The following ST7 variants were observed in gnomAD, a reference collection of about 807,000 sequenced individuals.
The protein encoded by ST7 is suppressor of tumorigenicity 7 protein.
ST7 carries 28 observed loss-of-function variants against 78.7 expected under a neutral mutation model. The ratio of observed to expected loss-of-function variants is 0.36; its 90% CI spans 0.26 to 0.49. The LOEUF (loss-of-function observed/expected upper bound fraction) is 0.49, where lower values mean the gene tolerates loss of function less well. ST7 is among the 20% of genes least tolerant of loss of function. ST7 has a pLI of 0.99. For synonymous variants in ST7, 247 were observed against 249.6 expected (o/e 0.99, Z 0.10); for missense variants, 418 against 696.0 (o/e 0.60, Z 4.49).
chr7:117,163,751 C>G (rs1272543796), intron 9 of ST7, among the ~76,000 whole-genome samples: 1 of 152,074 alleles, frequency 6.6e-6, no homozygotes, highest in Non-Finnish European at 1.5e-5. Flanking sequence ...CGTCTTTTAA[C>G]TCTGTTGTTT....
chr7:117,130,203 C>G (rs1804231055), intron 4 of ST7, among the ~76,000 whole-genome samples: 1 of 151,780 alleles, frequency 6.6e-6, no homozygotes, highest in Non-Finnish European at 1.5e-5. Flanking sequence ...TTAGAATTTT[C>G]ATAGCTTTAG....
chr7:117,017,995 A>T (rs1057243306), intron 1 of ST7, among the ~76,000 whole-genome samples: 1 of 152,190 alleles, frequency 6.6e-6, no homozygotes, highest in Non-Finnish European at 1.5e-5. Context: ...CACAGCCTTT[A>T]ACTCTTAGAA....
intron 6 of ST7, among the ~76,000 whole-genome samples, chr7:117,133,691 T>A (rs904161074): frequency 2.0e-5 from 3 of 151,826 alleles, no homozygotes; most frequent in African/African-American, 7.3e-5. Context: ...TTATTATTAT[T>A]ATTGTTATTT....
chr7:117,209,575 A>G (rs1036766480), intron 12 of ST7, among the ~76,000 whole-genome samples: 11 of 152,182 alleles, frequency 7.2e-5, no homozygotes, highest in African/African-American at 2.4e-4. Context: ...TCTGATCTTC[A>G]CTGTAGGAAA....
intron 1 of ST7, among the ~76,000 whole-genome samples, chr7:117,022,267 G>A (rs985825917): frequency 2.3e-4 from 35 of 152,126 alleles, no homozygotes; most frequent in African/African-American, 7.7e-4. Context: ...TATCATACAG[G>A]TTTTTAGCAT....
intron 1 of ST7, among the ~76,000 whole-genome samples, chr7:117,008,340 GAATTCCCTTTCAGCAA>G (rs1795240256): frequency 6.6e-6 from 1 of 152,172 alleles, no homozygotes; most frequent in African/African-American, 2.4e-5. Context: ...TGTTTCTCAA[GAATTCCCTTTCAGCAA>G]TTGTTGGTGA....
At position 117,133,674 on chromosome 7, in the gene ST7, T is replaced by TTTATTA. The variant is rs757530529; in HGVS notation, c.642-435_642-430dup. Reference sequence around the variant, plus strand: ...GGTTGTCTTTAGTATTTTATTTTGTTTTATTATTATTATTATTATTGTTAT... The same window carrying TTTATTA: ...GGTTGTCTTTAGTATTTTATTTTGTTTTATTATTATTATTATTATTATTATTGTTAT... On this transcript the variant is annotated intron_variant, in intron 6 of 15. Transcript: ENST00000323984. Among the ~76,000 whole-genome samples, 563 of 151,644 alleles carry TTTATTA rather than the reference T, an allele frequency of 3.7e-3. 2 individuals are homozygous for TTTATTA. The highest frequency in any genetic ancestry group is 0.017 in the Middle Eastern group (5 of 294).
At chr7:117,184,129 A>T (rs1408537068) in intron 10 of ST7, 2 of 152,274 alleles carry the variant, frequency 1.3e-5, no homozygotes, top group Non-Finnish European at 2.9e-5. Flanking sequence ...TTTCAGGAAA[A>T]CATTTCTATA....
At chr7:117,175,267 C>T (rs1371806769) in intron 10 of ST7, among the ~76,000 whole-genome samples, 1 of 152,150 alleles carries the variant, frequency 6.6e-6, no homozygotes, top group Non-Finnish European at 1.5e-5. Context: ...GTCATGAGAA[C>T]CTTCTTTTAG....
intron 1 of ST7, among the ~76,000 whole-genome samples, chr7:117,007,521 T>G (rs1164650983): frequency 2.0e-5 from 3 of 152,192 alleles, no homozygotes; most frequent in South Asian, 4.1e-4. Flanking sequence ...AAAGTACAAG[T>G]GTTAATGTAG....
rs573354157 is a variant in ST7 at position 116,975,099 on chromosome 7, A to C, written c.151+21408A>C. 3.9e-5 allele frequency among the ~76,000 whole-genome samples: 6 copies of C among 152,322 alleles called. No homozygotes were observed. In the East Asian group the frequency reaches 1.2e-3, roughly 29 times the overall value. On this transcript the variant is annotated intron_variant, in intron 1 of 15. Coordinates refer to ENST00000323984, the MANE Select transcript of ST7 (RefSeq NM_001369598.1). ...GTAATTTATAAAGAAAAAGAGGTTT[A>C]ATGGACTCACAGTTCCACATGGCTG...
At chr7:117,181,345 G>C (rs1385337674) in intron 10 of ST7, among the ~76,000 whole-genome samples, 1 of 152,188 alleles carries the variant, frequency 6.6e-6, no homozygotes, top group African/African-American at 2.4e-5. Flanking sequence ...GATAGGGAAA[G>C]TAAAAGCAGG....
At chr7:116,972,318 C>T in intron 1 of ST7, 5 of 586,928 alleles carry the variant, frequency 8.5e-6, no homozygotes, top group South Asian at 8.5e-5. Flanking sequence ...GGGCCTCTCC[C>T]TCCTTGAATT....
At chr7:117,016,749 C>T (rs1388713590) in intron 1 of ST7, among the ~76,000 whole-genome samples, 1 of 152,006 alleles carries the variant, frequency 6.6e-6, no homozygotes, top group East Asian at 1.9e-4. Context: ...GGTGAGAAGC[C>T]CTTTTGAATG....
At chr7:117,210,324 GT>G (rs1246506150) in intron 13 of ST7, among the ~76,000 whole-genome samples, 7 of 152,192 alleles carry the variant, frequency 4.6e-5, no homozygotes, top group African/African-American at 1.7e-4. Flanking sequence ...TTGTGGGAGG[GT>G]TGGCTAAGAG....
intron 12 of ST7, among the ~76,000 whole-genome samples, chr7:117,207,242 T>G (rs1791847278): frequency 6.6e-6 from 1 of 151,896 alleles, no homozygotes. Context: ...CCTCCCAAGT[T>G]CAAACAATTC....
At chr7:117,033,790 G>GC (rs2116213706) in intron 1 of ST7, among the ~76,000 whole-genome samples, 1 of 152,208 alleles carries the variant, frequency 6.6e-6, no homozygotes, top group East Asian at 1.9e-4. Context: ...TGGTTTACAT[G>GC]CTCTGGAGTC....
intron 1 of ST7, among the ~76,000 whole-genome samples, chr7:117,066,962 G>C (rs1219940097): frequency 6.6e-6 from 1 of 151,880 alleles, no homozygotes; most frequent in Non-Finnish European, 1.5e-5. Flanking sequence ...CTGTGGATTT[G>C]CTTAGTCTAG....
chr7:117,055,053 T>C (rs1584532639), intron 1 of ST7, among the ~76,000 whole-genome samples: 4 of 152,318 alleles, frequency 2.6e-5, no homozygotes, highest in Admixed American at 2.6e-4. Context: ...TTATGTATAA[T>C]AGTGATTAAT....
Sources: allele counts gnomAD v4.1 joint callset (sites outside exome capture counted in the v4.1 genomes callset), GRCh38; gene constraint gnomAD v4.1.1; transcripts MANE v1.5; gene names NCBI Gene and HGNC (gene_info 2026-07-23, HGNC 2026-07-21).